Variants in CHSY3 observed in about 807,000 individuals in gnomAD.
CHSY3 encodes the protein N-acetylgalactosaminyl-proteoglycan 3-beta-glucuronosyltransferase 3.
Under a neutral mutation model 67.2 loss-of-function variants are expected in CHSY3, and 35 were observed. The ratio of observed to expected loss-of-function variants is 0.52; its 90% CI spans 0.40 to 0.69. CHSY3 has a LOEUF of 0.69. Among genes scored for constraint, CHSY3 ranks in the 30% least tolerant of loss-of-function variants. CHSY3 has a pLI of 0.00. For synonymous variants in CHSY3, 474 were observed against 434.7 expected, an observed-to-expected ratio of 1.09 and a Z score of -1.12; for missense variants, 1,069 against 1,138.5, an observed-to-expected ratio of 0.94 and a Z score of 0.88.
chr5:129,908,350 G>T lies in CHSY3; in HGVS notation c.1076G>T (p.Trp359Leu). 1 of 1,613,810 alleles carries T rather than the reference G, an allele frequency of 6.2e-7. No individual in the cohort carries two copies. Residue 359 changes from tryptophan to leucine, a missense_variant, in exon 2 of 3, where the codon TGG becomes TTG. Coordinates refer to ENST00000305031, the MANE Select transcript of CHSY3 (RefSeq NM_175856.5). ...CGTTTTGGTGGGACTCAGTGTGTCT[G>T]GTCTTACGAGGTAAGCATGGAGCTG... ...VRRFGGTQCV[W>L]SYEMQQLFHE...
chr5:130,064,279 C>T (rs1157404619), intron 2 of CHSY3, among the ~76,000 whole-genome samples: 1 of 152,114 alleles, frequency 6.6e-6, no homozygotes. Context: ...ATGTTTTGCA[C>T]ATATTCTCTC....
intron 2 of CHSY3, among the ~76,000 whole-genome samples, chr5:130,125,752 G>A (rs1390601838): frequency 2.0e-5 from 3 of 152,152 alleles, no homozygotes; most frequent in Non-Finnish European, 4.4e-5. Context: ...TGGCAAAACC[G>A]AAAGCAAAAG....
At chr5:130,122,579 G>A (rs1768076025) in intron 2 of CHSY3, among the ~76,000 whole-genome samples, 1 of 152,196 alleles carries the variant, frequency 6.6e-6, no homozygotes, top group Non-Finnish European at 1.5e-5. Context: ...CTTTGGAAGG[G>A]AGGTGCTCAG....
chr5:130,160,340 T>C (rs1769494497), intron 2 of CHSY3, among the ~76,000 whole-genome samples: 1 of 152,228 alleles, frequency 6.6e-6, no homozygotes, highest in African/African-American at 2.4e-5. Flanking sequence ...CCTGCTTTCC[T>C]CCTTGCCCAC....
intron 2 of CHSY3, among the ~76,000 whole-genome samples, chr5:130,022,406 C>T (rs1021217370): frequency 6.6e-6 from 1 of 151,946 alleles, no homozygotes; most frequent in African/African-American, 2.4e-5. Context: ...TGGATTGCTG[C>T]TGTTAATACC....
At chr5:130,081,061 A>G (rs1269380275) in intron 2 of CHSY3, among the ~76,000 whole-genome samples, 2 of 152,182 alleles carry the variant, frequency 1.3e-5, no homozygotes, top group South Asian at 2.1e-4. Flanking sequence ...AGAACATACA[A>G]TGGCTGGGAA....
At chr5:130,064,924 G>A (rs892541604) in intron 2 of CHSY3, among the ~76,000 whole-genome samples, 3 of 152,124 alleles carry the variant, frequency 2.0e-5, no homozygotes, top group Non-Finnish European at 4.4e-5. Context: ...TACTTTTATT[G>A]TGAACAGTCA....
At chr5:130,137,737 A>T (rs771208010) in intron 2 of CHSY3, among the ~76,000 whole-genome samples, 6 of 152,168 alleles carry the variant, frequency 3.9e-5, no homozygotes, top group Non-Finnish European at 5.9e-5. Flanking sequence ...CCCTATGAAA[A>T]AGGCAACAGG....
intron 2 of CHSY3, among the ~76,000 whole-genome samples, chr5:129,976,824 G>A (rs539078751): frequency 6.6e-6 from 1 of 151,644 alleles, no homozygotes; most frequent in African/African-American, 2.4e-5. Flanking sequence ...CTCTGTCTGG[G>A]GGGTTCACTT....
At chr5:130,150,703 A>G (rs1769211468) in intron 2 of CHSY3, among the ~76,000 whole-genome samples, 1 of 152,208 alleles carries the variant, frequency 6.6e-6, no homozygotes, top group South Asian at 2.1e-4. Context: ...AGGATGAATT[A>G]CTAAGGACAT....
At position 129,993,029 on chromosome 5, in the gene CHSY3, C is replaced by A. The variant is rs139900429; in HGVS notation, c.1086+84669C>A. On this transcript the variant is annotated intron_variant, in intron 2 of 2. Coordinates refer to ENST00000305031, the MANE Select transcript of CHSY3 (RefSeq NM_175856.5). ...AAACTTTTGTTCTGGTGGTTTGGCA[C>A]ACAAAACACTGTTGCAAATGCTTTA... 2.8e-4 allele frequency among the ~76,000 whole-genome samples: 43 copies of A among 152,212 alleles called. No individual in the cohort carries two copies. The East Asian group carries it at 7.9e-3, about 28-fold the overall frequency.
chr5:130,137,050 C>T (rs1490966666), intron 2 of CHSY3, among the ~76,000 whole-genome samples: 1 of 152,092 alleles, frequency 6.6e-6, no homozygotes, highest in Non-Finnish European at 1.5e-5. Flanking sequence ...TCTGTATTTT[C>T]CCTTACATAT....
At chr5:129,945,504 A>C (rs754441348) in intron 2 of CHSY3, among the ~76,000 whole-genome samples, 6 of 114,696 alleles carry the variant, frequency 5.2e-5, no homozygotes, top group Middle Eastern at 4.4e-3. Context: ...AATTACTCAT[A>C]AACATTGACT....
intron 2 of CHSY3, among the ~76,000 whole-genome samples, chr5:130,082,812 C>T (rs536889794): frequency 1.3e-5 from 2 of 151,858 alleles, no homozygotes; most frequent in Non-Finnish European, 2.9e-5. Flanking sequence ...CTTGTACACG[C>T]TTAAGTGACA....
chr5:130,066,844 G>A (rs964868159), intron 2 of CHSY3, among the ~76,000 whole-genome samples: 1 of 152,040 alleles, frequency 6.6e-6, no homozygotes, highest in African/African-American at 2.4e-5. Flanking sequence ...TTCAGGATCC[G>A]GGGTCTGTCA....
chr5:129,949,852 G>A (rs1205084910), intron 2 of CHSY3, among the ~76,000 whole-genome samples: 1 of 152,076 alleles, frequency 6.6e-6, no homozygotes, highest in African/African-American at 2.4e-5. Flanking sequence ...ACAGAGTGAA[G>A]GATGAAGGAT....
chr5:130,097,184 G>C (rs1302525791), intron 2 of CHSY3, among the ~76,000 whole-genome samples: 2 of 152,226 alleles, frequency 1.3e-5, no homozygotes, highest in African/African-American at 4.8e-5. Flanking sequence ...TCTGCTTACA[G>C]AATCGCCCCT....
chr5:129,995,516 T>TC (rs202040769), intron 2 of CHSY3, among the ~76,000 whole-genome samples: 1,992 of 151,790 alleles, frequency 0.013, 46 homozygotes, highest in African/African-American at 0.045. Flanking sequence ...TCTTTTCTTT[T>TC]TTTTTTTTCT....
At chr5:130,001,982 C>A in intron 2 of CHSY3, 2 of 875,724 alleles carry the variant, frequency 2.3e-6, no homozygotes, top group Non-Finnish European at 2.7e-6. Flanking sequence ...TACAATAAGC[C>A]AATGCTTATA....
Sources: allele counts gnomAD v4.1 joint callset (sites outside exome capture counted in the v4.1 genomes callset), GRCh38; gene constraint gnomAD v4.1.1; transcripts MANE v1.5; gene names NCBI Gene and HGNC (gene_info 2026-07-23, HGNC 2026-07-21).